Variants in OLFM2 observed in about 807,000 individuals in gnomAD.
The protein encoded by OLFM2 is noelin-2.
In OLFM2, 20 loss-of-function variants were observed where a neutral mutation model predicts 43.9. That is an observed-to-expected ratio of 0.46 (90% CI 0.32 to 0.66). The LOEUF is 0.66. Among genes scored for constraint, OLFM2 ranks in the 30% least tolerant of loss-of-function variants. OLFM2 has a pLI of 0.04. For missense variants in OLFM2, 416 were observed against 643.6 expected (o/e 0.65, Z 3.83); for synonymous variants, 268 against 278.6 (o/e 0.96, Z 0.38).
chr19:9,936,269 C>G, intron 1 of OLFM2, 35 bp downstream of exon 1: 1 of 1,526,828 alleles, frequency 6.5e-7, no homozygotes, highest in Non-Finnish European at 8.7e-7. Context: ...TCTCCCGGAG[C>G]CACCCGCGCC....
At chr19:9,900,985 A>AG (rs1568380517) in intron 1 of OLFM2, among the ~76,000 whole-genome samples, 28 of 44,226 alleles carry the variant, frequency 6.3e-4, no homozygotes, top group Admixed American at 3.1e-3. Context: ...GAAGGAAGGA[A>AG]GGAAGGGAGG....
At chr19:9,899,752 T>C (rs77683624) in intron 1 of OLFM2, among the ~76,000 whole-genome samples, 27,079 of 151,620 alleles carry the variant, frequency 0.18, 2,406 homozygotes, top group Middle Eastern at 0.22. Context: ...AGGGTTTCAC[T>C]ATGTTGCCCA....
At chr19:9,898,395 G>A (rs953695089) in intron 1 of OLFM2, among the ~76,000 whole-genome samples, 8 of 151,840 alleles carry the variant, frequency 5.3e-5, no homozygotes, top group East Asian at 2.0e-4. Flanking sequence ...GGTGGCGGGC[G>A]CCTGTAATCC....
At position 9,856,725 on chromosome 19, in the gene OLFM2, G is replaced by A; in HGVS notation, c.687+82C>T. On this transcript the variant is annotated intron_variant, in intron 5 of 5. Coordinates refer to ENST00000264833, the MANE Select transcript of OLFM2 (RefSeq NM_058164.4). This position sits in a 1 kb window ranked among gnomAD's most constrained non-coding sequence, Gnocchi z 4.0. Reference sequence around the variant, plus strand: ...TTTGGGCTACAAGACAGTCACCAGTGTGGACTCCCTAGGCACCTATGGGCA... The same window carrying A: ...TTTGGGCTACAAGACAGTCACCAGTATGGACTCCCTAGGCACCTATGGGCA... 1 of 1,118,268 alleles carries A rather than the reference G, an allele frequency of 8.9e-7. No individual in the cohort carries two copies. Among genetic ancestry groups the A allele is most frequent in the Non-Finnish European group, 1.3e-6 (1 of 756,572 alleles). The allele number at this position is 1,118,268 out of a possible 1,614,324, so 69.3% of individuals were successfully genotyped here.
rs1345716637 is a variant in OLFM2 at position 9,857,012 on chromosome 19, A to G, written c.581-99T>C. 9 of 1,077,786 alleles carry G rather than the reference A, an allele frequency of 8.4e-6. No individual in the cohort carries two copies. The highest frequency in any genetic ancestry group is 1.2e-5 in the Non-Finnish European group (9 of 720,892). 66.8% of individuals were successfully genotyped at this position (1,077,786 alleles called of 1,614,324 possible). A position where few individuals can be genotyped will look rare whatever the true frequency, so the allele number is the denominator to read the frequency against. On this transcript the variant is annotated intron_variant, in intron 4 of 5. Transcript: ENST00000264833. The surrounding 1 kb of genome is among the most constrained non-coding windows in gnomAD (Gnocchi z 5.7). ...CTGTGATCAAGTTGGGAAAGCTGGG[A>G]CCAGGGATGAGGGAAGACTCAAAAA...
intron 1 of OLFM2, among the ~76,000 whole-genome samples, chr19:9,907,918 T>A (rs2046797477): frequency 6.6e-6 from 1 of 151,862 alleles, no homozygotes; most frequent in Admixed American, 6.6e-5. Context: ...GGCAGGAGAA[T>A]CGCTTGAATC....
Position 9,858,012 on chromosome 19 carries a change from C to T in OLFM2, c.214-151G>A, listed in dbSNP as rs1011044369. On this transcript the variant is annotated intron_variant, in intron 2 of 5. Coordinates refer to ENST00000264833, the MANE Select transcript of OLFM2 (RefSeq NM_058164.4). ...TCCCCTGAGCTTACCAGCAGCCTCC[C>T]AATTGCGTGCCCAATCCATCCATCC... The T allele has an allele frequency of 9.8e-6, 9 of 918,230 alleles. No homozygotes were observed. In the Admixed American group the frequency reaches 1.8e-4, roughly 18 times the overall value. The allele number at this position is 918,230 out of a possible 1,614,324, so 56.9% of individuals were successfully genotyped here. A position where few individuals can be genotyped will look rare whatever the true frequency, so the allele number is the denominator to read the frequency against.
chr19:9,867,061 A>G (rs902488797), intron 1 of OLFM2, among the ~76,000 whole-genome samples: 2 of 152,056 alleles, frequency 1.3e-5, no homozygotes, highest in African/African-American at 4.8e-5. Context: ...TCCACCACCT[A>G]TATCTTGGTT....
chr19:9,860,819 C>G, intron 1 of OLFM2, 25 bp from the exon 2 acceptor site: 3 of 1,590,964 alleles, frequency 1.9e-6, no homozygotes, highest in Non-Finnish European at 2.6e-6. Flanking sequence ...GGGTCAGAGA[C>G]CGGAATCCCA....
intron 1 of OLFM2, among the ~76,000 whole-genome samples, chr19:9,916,983 T>C (rs1472197972): frequency 1.3e-5 from 2 of 152,148 alleles, no homozygotes; most frequent in East Asian, 3.8e-4. Flanking sequence ...TGTCTCCTGC[T>C]ACTCCCTAAA....
chr19:9,876,735 C>A (rs1199779004), intron 1 of OLFM2, among the ~76,000 whole-genome samples: 3 of 152,184 alleles, frequency 2.0e-5, no homozygotes, highest in Non-Finnish European at 2.9e-5. Context: ...TCCTGTGCCT[C>A]CGTTCCCCCA....
chr19:9,891,979 C>T (rs896280282), intron 1 of OLFM2, among the ~76,000 whole-genome samples: 1 of 152,116 alleles, frequency 6.6e-6, no homozygotes, highest in Non-Finnish European at 1.5e-5. Context: ...AGTGAGAAAA[C>T]TCCAGGGACA....
intron 1 of OLFM2, among the ~76,000 whole-genome samples, chr19:9,901,391 A>G (rs2046738332): frequency 2.6e-5 from 4 of 152,066 alleles, no homozygotes; most frequent in Admixed American, 6.6e-5. Flanking sequence ...GCGTCACTGC[A>G]CTCCAGCCTG....
At chr19:9,906,993 C>A (rs2046790469) in intron 1 of OLFM2, among the ~76,000 whole-genome samples, 1 of 152,142 alleles carries the variant, frequency 6.6e-6, no homozygotes, top group Non-Finnish European at 1.5e-5. Context: ...TAGAGGGACG[C>A]CCTCCTGAGT....
At position 9,854,152 on chromosome 19, in the gene OLFM2, C is replaced by G. The variant is rs965483928; in HGVS notation, c.*34G>C. The G allele has an allele frequency of 6.2e-7, 1 of 1,605,490 alleles. No individual in the cohort carries two copies. Among genetic ancestry groups the G allele is most frequent in the Admixed American group, 1.7e-5 (1 of 59,862 alleles). Reference sequence around the variant, plus strand: ...GAAAAGGGCCCCCAGCCCCCAGAGGCCCCCCAGGCAGCAGCCCGAGCCACA... The same window carrying G: ...GAAAAGGGCCCCCAGCCCCCAGAGGGCCCCCAGGCAGCAGCCCGAGCCACA... On this transcript the variant is annotated 3_prime_UTR_variant, in exon 6 of 6. Coordinates refer to ENST00000264833, the MANE Select transcript of OLFM2 (RefSeq NM_058164.4). The surrounding 1 kb of genome is among the most constrained non-coding windows in gnomAD (Gnocchi z 9.5).
intron 1 of OLFM2, among the ~76,000 whole-genome samples, chr19:9,923,674 GAAAAGAAAAGAAAGAA>G (rs2086434572): frequency 6.8e-6 from 1 of 146,800 alleles, no homozygotes; most frequent in South Asian, 2.1e-4. Context: ...AAAGAAAAAA[GAAAAGAAAAGAAAGAA>G]AAAAGAAAAG....
At chr19:9,859,798 T>C (rs1267652731) in intron 2 of OLFM2, among the ~76,000 whole-genome samples, 1 of 152,142 alleles carries the variant, frequency 6.6e-6, no homozygotes, top group Non-Finnish European at 1.5e-5. Flanking sequence ...CCAGTCTTCC[T>C]TCCTTCCCCC....
At chr19:9,927,870 T>C (rs1460846768) in intron 1 of OLFM2, among the ~76,000 whole-genome samples, 2 of 151,894 alleles carry the variant, frequency 1.3e-5, no homozygotes, top group Non-Finnish European at 2.9e-5. Context: ...GAGACCAGCC[T>C]GAACAATATT....
chr19:9,854,711 A>G lies in OLFM2; in HGVS notation c.840T>C (p.Tyr280=). Residue 280 remains tyrosine (Y), a synonymous_variant, in exon 6 of 6, where the codon TAT becomes TAC. Coordinates refer to ENST00000264833, the MANE Select transcript of OLFM2 (RefSeq NM_058164.4). This position sits in a 1 kb window ranked among gnomAD's most constrained non-coding sequence, Gnocchi z 9.5. ...CCACCACGTTGCTCTGGTACTTGTT[A>G]TAGAACAGGGAGCCGTTGTACACCA... ...GHVVYNGSLF[Y]NKYQSNVVVK... is the part of the protein sequence containing the mutation. 6.2e-7 allele frequency: 1 copy of G among 1,614,218 alleles called. No individual in the cohort carries two copies. The highest frequency in any genetic ancestry group is 8.5e-7 in the Non-Finnish European group (1 of 1,180,036).
Sources: allele counts gnomAD v4.1 joint callset (sites outside exome capture counted in the v4.1 genomes callset), GRCh38; gene constraint gnomAD v4.1.1; non-coding constraint Gnocchi (gnomAD v3.1); transcripts MANE v1.5; gene names NCBI Gene and HGNC (gene_info 2026-07-23, HGNC 2026-07-21).